The following S100A7A variants were observed in gnomAD, a reference collection of about 807,000 sequenced individuals.
S100A7A encodes S100 calcium binding protein A7A.
A neutral mutation model predicts 4.0 loss-of-function variants in S100A7A; 5 were observed. The observed-to-expected ratio is 1.26, with a 90% CI of 0.66 to 2.66. The LOEUF (loss-of-function observed/expected upper bound fraction) is 2.66, where lower values mean the gene tolerates loss of function less well. Ranked by LOEUF, S100A7A falls within the 30% of genes most tolerant of loss-of-function variation. The probability of loss-of-function intolerance (pLI) is 0.01; values close to 1 mark genes in which losing one functional copy is unlikely to be tolerated. For synonymous variants in S100A7A, 52 were observed against 46.4 expected (o/e 1.12, Z -0.49); for missense variants, 159 against 125.1 (o/e 1.27, Z -1.29).
Position 153,422,708 on chromosome 1 carries a change from G to A in S100A7A, c.*3399G>A, listed in dbSNP as rs1448560015. On this transcript the variant is annotated 3_prime_UTR_variant, in exon 3 of 3. Transcript: ENST00000368729. ...TGTCTCTCTTTGCTTTCTTCTGACTGACATTTATTCAGCCTTCTCTACAGG... is the reference window on the plus strand; with the variant it reads ...TGTCTCTCTTTGCTTTCTTCTGACTAACATTTATTCAGCCTTCTCTACAGG... The A allele has an allele frequency of 1.2e-5, 2 of 160,700 alleles. No individual in the cohort carries two copies. The highest frequency in any genetic ancestry group is 2.4e-5 in the African/African-American group (1 of 41,558). The allele number at this position is 160,700 out of a possible 1,614,324, so 10.0% of individuals were successfully genotyped here. A position where few individuals can be genotyped will look rare whatever the true frequency, so the allele number is the denominator to read the frequency against.
In S100A7A at chr1:153,418,057, T is replaced by G. The variant is rs773948850; in HGVS notation, c.-17-9T>G. ...TAAGGTAAGAAATGATTGTCTTTAT[T>G]TCCTGAAGGCTTTTTGAAAGCAAAG... On this transcript the variant is annotated splice_polypyrimidine_tract_variant and intron_variant, in intron 1 of 2. Transcript: ENST00000368729. 2 of 1,612,912 alleles carry G rather than the reference T, an allele frequency of 1.2e-6. No individual in the cohort carries two copies. The highest frequency in any genetic ancestry group is 1.7e-6 in the Non-Finnish European group (2 of 1,178,998).
chr1:153,417,943 T>C (rs1662770559), intron 1 of S100A7A, 123 bp from the exon 2 acceptor site: 1 of 1,079,306 alleles, frequency 9.3e-7, no homozygotes, highest in African/African-American at 1.6e-5. Context: ...TTTAAAAAAA[T>C]CAAGTTCCTT....
rs370204903 is a variant in S100A7A, at chr1:153,418,647, T to C, written c.141+424T>C. Among the ~76,000 whole-genome samples the C allele has an allele frequency of 2.2e-3, 333 of 152,250 alleles. 1 individual carries two copies. Among genetic ancestry groups the C allele is most frequent in the African/African-American group, 7.1e-3 (297 of 41,544 alleles). ...CCCTCTTTGCAATAAAGAAAACTCA[T>C]TGGCAAATCTGAAAAAACCTGTGGG... On this transcript the variant is annotated intron_variant, in intron 2 of 2. Transcript: ENST00000368729.
Sources: gnomAD v4.1 joint callset for allele counts (sites outside exome capture counted in the v4.1 genomes callset) on GRCh38, gnomAD v4.1.1 for gene constraint, MANE v1.5 for transcripts, NCBI Gene and HGNC (gene_info 2026-07-23, HGNC 2026-07-21) for gene names.